Variants in AHNAK observed in about 807,000 individuals in gnomAD.
The protein encoded by AHNAK is AHNAK nucleoprotein, also known as neuroblast differentiation-associated protein AHNAK.
A neutral mutation model predicts 37.8 loss-of-function variants in AHNAK; 23 were observed. That is an observed-to-expected ratio of 0.61 (90% CI 0.44 to 0.86). The LOEUF is 0.86. AHNAK is among the 40% of genes least tolerant of loss of function. The pLI, the probability that AHNAK is intolerant of heterozygous loss-of-function variation, is 0.00. For synonymous variants in AHNAK, 2,481 were observed against 2,636.3 expected (o/e 0.94, Z 1.80); for missense variants, 7,411 against 7,319.4 (o/e 1.01, Z -0.46).
intron 5 of AHNAK, among the ~76,000 whole-genome samples, chr11:62,458,331 C>T (rs1015239991): frequency 3.9e-5 from 6 of 152,056 alleles, no homozygotes; most frequent in African/African-American, 1.4e-4. Flanking sequence ...ATCCCCACGT[C>T]AGAAGGTCAG....
intron 5 of AHNAK, among the ~76,000 whole-genome samples, chr11:62,470,585 G>C (rs1189318347): frequency 6.6e-6 from 1 of 152,116 alleles, no homozygotes; most frequent in Non-Finnish European, 1.5e-5. Context: ...CAGCCTGGGC[G>C]ACAGTGAGAG....
chr11:62,461,918 A>T (rs1357756396), intron 5 of AHNAK, among the ~76,000 whole-genome samples: 1 of 152,148 alleles, frequency 6.6e-6, no homozygotes, highest in Non-Finnish European at 1.5e-5. Context: ...TGGCCCAGGA[A>T]AAAAATACCA....
intron 5 of AHNAK, among the ~76,000 whole-genome samples, chr11:62,478,105 G>T (rs1316005835): frequency 6.6e-6 from 1 of 152,178 alleles, no homozygotes; most frequent in African/African-American, 2.4e-5. Flanking sequence ...TAAGAGCAGA[G>T]CCCCTGGCCT....
At chr11:62,457,493 G>A (rs1032733903) in intron 5 of AHNAK, among the ~76,000 whole-genome samples, 4 of 151,750 alleles carry the variant, frequency 2.6e-5, no homozygotes, top group African/African-American at 7.3e-5. Flanking sequence ...AGCTGGGCAT[G>A]GTGCCACAAG....
chr11:62,512,062 G>A (rs1939924517), downstream of AHNAK, among the ~76,000 whole-genome samples: 1 of 152,198 alleles, frequency 6.6e-6, no homozygotes, highest in African/African-American at 2.4e-5. The surrounding 1 kb of genome is among the most constrained non-coding windows in gnomAD (Gnocchi z 4.0). Flanking sequence ...GCCCAGGCTG[G>A]TCTCAAACTC....
chr11:62,434,034 C>A, intron 5 of AHNAK: 1 of 1,068,124 alleles, frequency 9.4e-7, no homozygotes, highest in South Asian at 1.6e-5. Context: ...ATGCTTGCCT[C>A]TGGAAGGGAT....
chr11:62,479,967 A>T (rs1939232061), intron 5 of AHNAK, among the ~76,000 whole-genome samples: 1 of 152,150 alleles, frequency 6.6e-6, no homozygotes, highest in African/African-American at 2.4e-5. Context: ...GGGGAGGGAG[A>T]TGAGGTCCCA....
intron 4 of AHNAK, among the ~76,000 whole-genome samples, chr11:62,494,058 A>G (rs1411804119): frequency 6.6e-6 from 1 of 152,096 alleles, no homozygotes; most frequent in Non-Finnish European, 1.5e-5. Flanking sequence ...TGGTGAATAA[A>G]TGAATGAATG....
rs1234505860 is a variant in AHNAK, at chr11:62,463,766, G to A, written c.442+27966C>T. On this transcript the variant is annotated intron_variant, in intron 5 of 5. Coordinates refer to the AHNAK transcript ENST00000257247. ...TTGGTTTGTTTTGGGTTTTGTTTTT[G>A]TTTTTGTTTTTTTGGGAGACAGAGT... Among the ~76,000 whole-genome samples the A allele has an allele frequency of 2.0e-5, 3 of 151,570 alleles. No homozygotes were observed. The Admixed American group carries it at 2.0e-4, about 10-fold the overall frequency.
chr11:62,478,374 T>C (rs1242160325), intron 5 of AHNAK, among the ~76,000 whole-genome samples: 4 of 152,176 alleles, frequency 2.6e-5, no homozygotes, highest in Admixed American at 2.6e-4. Flanking sequence ...CAAGAATGCC[T>C]CTTCTTTGAT....
Position 62,525,759 on chromosome 11 carries a change from C to T in AHNAK, c.8658G>A (p.Gln2886=), listed in dbSNP as rs370707637. Residue 2886 remains glutamine, a synonymous_variant, in exon 5 of 5, where the codon CAG becomes CAA. Coordinates refer to ENST00000378024, the MANE Select transcript of AHNAK (RefSeq NM_001620.3). ...VDIDVPDVNV[Q]GPDWHLKMPK... is the part of the protein sequence containing the mutation. The stretch of plus-strand genomic sequence containing the variant: ...GCATCTTCAGGTGCCAGTCTGGACC[C>T]TGAACATTAACATCTGGGACATCAA... 5 of 1,607,778 alleles carry T rather than the reference C, an allele frequency of 3.1e-6. No homozygotes were observed. The highest frequency in any genetic ancestry group is 3.4e-6 in the Non-Finnish European group (4 of 1,177,958).
rs1015406075 is a variant in AHNAK, at chr11:62,534,830, C to T, written c.342+173G>A. ...AGAGGGAGCACAGCCACATGTCACA[C>T]GAAAGCGGAAAGAAACAGGGTGGCC... On this transcript the variant is annotated intron_variant, in intron 4 of 4. Coordinates refer to ENST00000378024, the MANE Select transcript of AHNAK (RefSeq NM_001620.3). 2.0e-5 allele frequency among the ~76,000 whole-genome samples: 3 copies of T among 152,038 alleles called. No homozygotes were observed. The East Asian group carries it at 5.8e-4, about 29-fold the overall frequency.
chr11:62,505,745 A>T (rs1284780719), intron 4 of AHNAK, among the ~76,000 whole-genome samples: 1 of 69,784 alleles, frequency 1.4e-5, no homozygotes, highest in African/African-American at 5.9e-5. Flanking sequence ...CTCCCCCGAC[A>T]CACCTCCCCC....
intron 4 of AHNAK, among the ~76,000 whole-genome samples, chr11:62,504,742 A>G (rs1374217590): frequency 6.6e-6 from 1 of 151,910 alleles, no homozygotes; most frequent in Non-Finnish European, 1.5e-5. Flanking sequence ...ACTCCTCCAC[A>G]TAGGGGTCAA....
chr11:62,458,363 C>T (rs778164768), intron 5 of AHNAK, among the ~76,000 whole-genome samples: 3 of 151,902 alleles, frequency 2.0e-5, no homozygotes, highest in Admixed American at 6.6e-5. Flanking sequence ...GCCTTAGGGA[C>T]GGTCCCACTT....
chr11:62,463,840 T>C (rs1323325196), intron 5 of AHNAK, among the ~76,000 whole-genome samples: 1 of 152,022 alleles, frequency 6.6e-6, no homozygotes, highest in Non-Finnish European at 1.5e-5. Context: ...CTCGGCTCAC[T>C]GCAACCTCCG....
chr11:62,530,210 C>G lies in AHNAK; in HGVS notation c.4207G>C (p.Asp1403His). The G allele has an allele frequency of 6.2e-7, 1 of 1,613,156 alleles. No individual in the cohort carries two copies. Among genetic ancestry groups the G allele is most frequent in the Non-Finnish European group, 8.5e-7 (1 of 1,179,864 alleles). Residue 1403 changes from aspartate to histidine, a missense_variant, in exon 5 of 5, where the codon GAT (aspartate) becomes CAT (histidine). Coordinates refer to ENST00000378024, the MANE Select transcript of AHNAK (RefSeq NM_001620.3). The stretch of plus-strand genomic sequence containing the variant: ...ACGTCAGCTTTGGGCAGCTTCACAT[C>G]CACTTCAGGGCCCTCTCCTTTGAAG... ...PGFKGEGPEV[D>H]VKLPKADVDV...
chr11:62,479,233 T>A (rs1347996015), intron 5 of AHNAK, among the ~76,000 whole-genome samples: 1 of 142,922 alleles, frequency 7.0e-6, no homozygotes, highest in Non-Finnish European at 1.5e-5. Flanking sequence ...AATGGCACGA[T>A]CTCGGCTCAC....
intron 5 of AHNAK, among the ~76,000 whole-genome samples, chr11:62,470,404 C>T (rs1006739211): frequency 4.8e-5 from 7 of 147,250 alleles, no homozygotes; most frequent in Non-Finnish European, 1.0e-4. Context: ...TAAGATTGTA[C>T]CACTGCACTC....
Sources: allele counts gnomAD v4.1 joint callset (sites outside exome capture counted in the v4.1 genomes callset), GRCh38; gene constraint gnomAD v4.1.1; non-coding constraint Gnocchi (gnomAD v3.1); transcripts MANE v1.5; gene names NCBI Gene and HGNC (gene_info 2026-07-23, HGNC 2026-07-21).